The following RAB38 variants were observed in gnomAD, a reference collection of about 807,000 sequenced individuals.
RAB38 encodes ras-related protein Rab-38.
Under a neutral mutation model 18.4 loss-of-function variants are expected in RAB38, and 15 were observed. The ratio of observed to expected loss-of-function variants is 0.82; its 90% CI spans 0.55 to 1.26. The LOEUF (loss-of-function observed/expected upper bound fraction) is 1.26. RAB38 is among the 50% of genes most tolerant of loss of function. RAB38 has a pLI of 0.00. For synonymous variants in RAB38, 101 were observed against 104.4 expected, an observed-to-expected ratio of 0.97 and a Z score of 0.20; for missense variants, 294 against 267.4, an observed-to-expected ratio of 1.10 and a Z score of -0.69.
the RAB38 span, among the ~76,000 whole-genome samples, chr11:88,080,379 GA>G: frequency 6.6e-6 from 1 of 151,754 alleles, no homozygotes; most frequent in African/African-American, 2.4e-5. Flanking sequence ...AAATATTGAT[GA>G]AAAAAGTGTT....
the RAB38 span, among the ~76,000 whole-genome samples, chr11:88,032,996 G>C: frequency 6.6e-6 from 1 of 152,160 alleles, no homozygotes; most frequent in South Asian, 2.1e-4. Context: ...AACAATGATA[G>C]ACTGGATTAA....
At chr11:88,045,666 C>T in the RAB38 span, among the ~76,000 whole-genome samples, 188 of 152,316 alleles carry the variant, frequency 1.2e-3, no homozygotes, top group African/African-American at 4.3e-3. Flanking sequence ...TGACGATCGA[C>T]GCTGCCTGAT....
At chr11:88,065,918 C>T in the RAB38 span, among the ~76,000 whole-genome samples, 5 of 152,208 alleles carry the variant, frequency 3.3e-5, no homozygotes, top group South Asian at 2.1e-4. Context: ...ACGGGCTTTT[C>T]GATGGGAAGT....
the RAB38 span, among the ~76,000 whole-genome samples, chr11:87,963,040 G>A: frequency 2.6e-5 from 4 of 152,070 alleles, no homozygotes; most frequent in East Asian, 3.9e-4. Flanking sequence ...TTGATAAAAT[G>A]CAGAGCTATT....
intron 2 of RAB38, among the ~76,000 whole-genome samples, chr11:88,139,102 G>C (rs986763333): frequency 5.9e-5 from 9 of 152,060 alleles, no homozygotes. Flanking sequence ...TTAATATTAA[G>C]ATTCGCATGG....
the RAB38 span, among the ~76,000 whole-genome samples, chr11:88,052,945 AAT>A: frequency 9.1e-4 from 41 of 45,156 alleles, no homozygotes; most frequent in African/African-American, 1.4e-3. Context: ...TATATATATA[AAT>A]TATATATATG....
chr11:87,832,611 A>G, the RAB38 span, among the ~76,000 whole-genome samples: 2 of 152,140 alleles, frequency 1.3e-5, no homozygotes, highest in African/African-American at 4.8e-5. Flanking sequence ...CCAAGCACCC[A>G]GGCCCCTATA....
At chr11:88,052,931 T>TG in the RAB38 span, among the ~76,000 whole-genome samples, 2 of 39,316 alleles carry the variant, frequency 5.1e-5, no homozygotes, top group Admixed American at 3.0e-4. Context: ...TATATATATA[T>TG]ATATATATAT....
intron 1 of RAB38, among the ~76,000 whole-genome samples, chr11:88,163,863 G>C (rs776820430): frequency 1.3e-5 from 2 of 152,010 alleles, no homozygotes; most frequent in African/African-American, 4.8e-5. Flanking sequence ...TTTTAGACTG[G>C]AGCCCAATGC....
the RAB38 span, among the ~76,000 whole-genome samples, chr11:88,029,673 G>A: frequency 6.6e-6 from 1 of 152,102 alleles, no homozygotes; most frequent in African/African-American, 2.4e-5. Flanking sequence ...TCAACAAGAA[G>A]AGGTAACTAT....
the RAB38 span, among the ~76,000 whole-genome samples, chr11:88,092,564 G>A: frequency 6.6e-6 from 1 of 151,654 alleles, no homozygotes; most frequent in Non-Finnish European, 1.5e-5. Flanking sequence ...CCATTTCTAT[G>A]ACCCAAACAC....
At chr11:88,035,656 C>A in the RAB38 span, among the ~76,000 whole-genome samples, 1 of 152,192 alleles carries the variant, frequency 6.6e-6, no homozygotes. Flanking sequence ...TAGACATTTT[C>A]TTGAGTTTTC....
intron 1 of RAB38, among the ~76,000 whole-genome samples, chr11:88,156,734 A>C (rs192183793): frequency 6.6e-6 from 1 of 152,204 alleles, no homozygotes; most frequent in East Asian, 1.9e-4. Flanking sequence ...ATCCCACCAA[A>C]CTAAGTTCGT....
the RAB38 span, among the ~76,000 whole-genome samples, chr11:87,908,301 A>T: frequency 6.6e-6 from 1 of 151,972 alleles, no homozygotes; most frequent in African/African-American, 2.4e-5. Context: ...TTTCCCACTA[A>T]TCTTTCTAAT....
chr11:88,068,671 C>T, the RAB38 span, among the ~76,000 whole-genome samples: 1 of 152,138 alleles, frequency 6.6e-6, no homozygotes, highest in South Asian at 2.1e-4. Flanking sequence ...CTCACACTTG[C>T]CCTAACATGA....
the RAB38 span, among the ~76,000 whole-genome samples, chr11:87,957,595 GCTCT>G: frequency 2.0e-5 from 3 of 152,104 alleles, no homozygotes; most frequent in Admixed American, 2.0e-4. Flanking sequence ...TTATTCTTGG[GCTCT>G]CTATGTGGCA....
chr11:88,172,592 G>A (rs139231438), intron 1 of RAB38, among the ~76,000 whole-genome samples: 26 of 152,190 alleles, frequency 1.7e-4, no homozygotes, highest in African/African-American at 5.8e-4. Context: ...TGCTCTCTCC[G>A]GGGACACACC....
At chr11:87,977,718 A>G in the RAB38 span, among the ~76,000 whole-genome samples, 1 of 95,696 alleles carries the variant, frequency 1.0e-5, no homozygotes, top group African/African-American at 4.3e-5. Context: ...ATATATTTAT[A>G]TATTATATGA....
chr11:87,907,238 GATTTGATA>G, the RAB38 span, among the ~76,000 whole-genome samples: 2 of 151,830 alleles, frequency 1.3e-5, no homozygotes, highest in Non-Finnish European at 2.9e-5. Context: ...AAAATTTTGT[GATTTGATA>G]CGTGAAACAC....
Sources: gnomAD v4.1 joint callset for allele counts (sites outside exome capture counted in the v4.1 genomes callset) on GRCh38, gnomAD v4.1.1 for gene constraint, MANE v1.5 for transcripts, NCBI Gene and HGNC (gene_info 2026-07-23, HGNC 2026-07-21) for gene names.